SPAST: variants seen among roughly 807,000 people sequenced by gnomAD.
SPAST encodes the protein spastin, also known as spastic paraplegia 4 (autosomal dominant; spastin).
Under a neutral mutation model 76.6 loss-of-function variants are expected in SPAST, and 30 were observed. That is an observed-to-expected ratio of 0.39 (90% CI 0.29 to 0.53). The LOEUF is 0.53. Ranked by LOEUF, SPAST falls within the 20% of genes least tolerant of loss-of-function variation. The pLI is 0.68. For missense variants in SPAST, 717 were observed against 770.5 expected (o/e 0.93, Z 0.82); for synonymous variants, 305 against 281.0 (o/e 1.09, Z -0.86).
intron 7 of SPAST, among the ~76,000 whole-genome samples, chr2:32,119,264 G>T (rs970926193): frequency 1.3e-5 from 2 of 152,242 alleles, no homozygotes; most frequent in South Asian, 2.1e-4. Flanking sequence ...AATGAATCTT[G>T]TTAAGCCTAT....
At chr2:32,122,014 C>T (rs1389004859) in intron 7 of SPAST, among the ~76,000 whole-genome samples, 1 of 152,120 alleles carries the variant, frequency 6.6e-6, no homozygotes, top group Non-Finnish European at 1.5e-5. Flanking sequence ...TGGTTGTCCA[C>T]TTATATTACG....
At position 32,148,728 on chromosome 2, in the gene SPAST, G is replaced by A. The variant is rs1262981079; in HGVS notation, c.1728+1470G>A. On this transcript the variant is annotated intron_variant, in intron 16 of 16. Transcript: ENST00000315285. ...TGGGAGGCTGAGGCAGGAGAATGGCGTGAACCTGGGAAGTGGAGCTTGCAG... is the reference window on the plus strand; with the variant it reads ...TGGGAGGCTGAGGCAGGAGAATGGCATGAACCTGGGAAGTGGAGCTTGCAG... Among the ~76,000 whole-genome samples the A allele has an allele frequency of 4.6e-5, 7 of 151,684 alleles. No individual in the cohort carries two copies. In the South Asian group the frequency reaches 6.3e-4, roughly 14 times the overall value.
intron 4 of SPAST, among the ~76,000 whole-genome samples, chr2:32,104,795 T>G (rs1012481191): frequency 5.3e-5 from 8 of 152,178 alleles, no homozygotes; most frequent in African/African-American, 1.9e-4. Flanking sequence ...TCTCTTCTGG[T>G]TTTTAGAGTT....
At chr2:32,079,394 C>T (rs1344329516) in intron 1 of SPAST, among the ~76,000 whole-genome samples, 1 of 151,404 alleles carries the variant, frequency 6.6e-6, no homozygotes, top group Non-Finnish European at 1.5e-5. Flanking sequence ...ACCTGTGGTC[C>T]CAGCTATTCA....
chr2:32,136,810 A>G, intron 10 of SPAST, 67 bp from the exon 11 acceptor site: 12 of 1,312,264 alleles, frequency 9.1e-6, no homozygotes, highest in Admixed American at 1.7e-5. Flanking sequence ...GTAGTAAACT[A>G]GATTAATCTC....
chr2:32,081,780 T>TAAAAAAAAAAA (rs1677232552), intron 1 of SPAST, among the ~76,000 whole-genome samples: 1 of 24,940 alleles, frequency 4.0e-5, no homozygotes, highest in Non-Finnish European at 6.9e-5. Context: ...TGAGACACTG[T>TAAAAAAAAAAA]CAAAAAAAAA....
intron 1 of SPAST, among the ~76,000 whole-genome samples, chr2:32,077,169 C>T (rs567533390): frequency 2.8e-4 from 42 of 152,214 alleles, no homozygotes; most frequent in African/African-American, 7.0e-4. Context: ...CCACCGCGCC[C>T]GGCTTTAATT....
intron 3 of SPAST, among the ~76,000 whole-genome samples, chr2:32,097,403 A>G (rs1010220046): frequency 2.0e-5 from 3 of 152,126 alleles, no homozygotes; most frequent in African/African-American, 7.2e-5. Context: ...TGCCCTGGCT[A>G]CCCATTTCCC....
chr2:32,094,545 A>G (rs1438891411), intron 3 of SPAST, among the ~76,000 whole-genome samples: 2 of 152,220 alleles, frequency 1.3e-5, no homozygotes. Context: ...GTGTTCCAGC[A>G]AGGAGATTAT....
At chr2:32,097,808 C>T (rs983637333) in intron 3 of SPAST, among the ~76,000 whole-genome samples, 1 of 151,976 alleles carries the variant, frequency 6.6e-6, no homozygotes. Context: ...ATTCCCCTGC[C>T]TCAGCTTCCC....
intron 7 of SPAST, among the ~76,000 whole-genome samples, chr2:32,117,738 G>A (rs1678889405): frequency 6.6e-6 from 1 of 151,866 alleles, no homozygotes. Context: ...TACCATTTTG[G>A]CCAGGCTGGT....
chr2:32,064,269 GGGC>G, intron 1 of SPAST, 23 bp downstream of exon 1: 9 of 1,513,740 alleles, frequency 5.9e-6, no homozygotes, highest in East Asian at 2.5e-5. Flanking sequence ...CTGGGGGAGG[GGGC>G]GGCGGCGCCG....
At chr2:32,126,390 A>G (rs1053082471) in intron 7 of SPAST, 2 of 150,502 alleles carry the variant, frequency 1.3e-5, no homozygotes, top group Non-Finnish European at 3.0e-5. Flanking sequence ...ATTTCTAAGT[A>G]GAGAAACATG....
At chr2:32,151,769 G>A (rs1282925150) in intron 16 of SPAST, among the ~76,000 whole-genome samples, 2 of 152,120 alleles carry the variant, frequency 1.3e-5, no homozygotes, top group South Asian at 2.1e-4. Context: ...AATTAGCCGG[G>A]CGTGGTGGCA....
chr2:32,144,891 A>G (rs776687700), intron 14 of SPAST, 46 bp from the exon 15 acceptor site: 34 of 1,393,476 alleles, frequency 2.4e-5, no homozygotes, highest in Non-Finnish European at 3.2e-5. Flanking sequence ...TCTCAAAAAA[A>G]AGCGGGAGGG....
At chr2:32,065,098 C>T (rs960951616) in intron 1 of SPAST, among the ~76,000 whole-genome samples, 1 of 151,902 alleles carries the variant, frequency 6.6e-6, no homozygotes, top group African/African-American at 2.4e-5. Context: ...CGGCTCACTG[C>T]AACCTCCGAC....
chr2:32,103,154 G>C (rs1264730528), intron 4 of SPAST, among the ~76,000 whole-genome samples: 2 of 152,250 alleles, frequency 1.3e-5, no homozygotes, highest in East Asian at 3.9e-4. Context: ...GCCTGTTATT[G>C]GTCTATTCAG....
Position 32,080,868 on chromosome 2 carries a change from C to T in SPAST, c.416-6624C>T, listed in dbSNP as rs762769005. ...GCAGTGCCATGGCACGATCTCAGCT[C>T]GCTGCAACCTCCGCCTCCTGGCTTC... On this transcript the variant is annotated intron_variant, in intron 1 of 16. Coordinates refer to ENST00000315285, the MANE Select transcript of SPAST (RefSeq NM_014946.4). Among the ~76,000 whole-genome samples, 69 of 139,086 alleles carry T rather than the reference C, an allele frequency of 5.0e-4. 1 individual carries two copies. Among genetic ancestry groups the T allele is most frequent in the Admixed American group, 3.2e-4 (4 of 12,636 alleles). 91.2% of individuals were successfully genotyped at this position (139,086 alleles called of 152,430 possible). A position where few individuals can be genotyped will look rare whatever the true frequency, so the allele number is the denominator to read the frequency against.
chr2:32,094,964 G>A lies in SPAST; in HGVS notation c.587-3832G>A, dbSNP rs140227815. Reference sequence around the variant, plus strand: ...AGCCTGGGCAACAAAGCGAGACTCCGTCTCAAAGCCAGAAAAAAAGATTTT... The same window carrying A: ...AGCCTGGGCAACAAAGCGAGACTCCATCTCAAAGCCAGAAAAAAAGATTTT... On this transcript the variant is annotated intron_variant, in intron 3 of 16. Transcript: ENST00000315285. 6.6e-3 allele frequency among the ~76,000 whole-genome samples: 999 copies of A among 152,302 alleles called. 15 individuals are homozygous for A. Among genetic ancestry groups the A allele is most frequent in the African/African-American group, 0.023 (962 of 41,564 alleles).
Sources: gnomAD v4.1 joint callset for allele counts (sites outside exome capture counted in the v4.1 genomes callset) on GRCh38, gnomAD v4.1.1 for gene constraint, MANE v1.5 for transcripts, NCBI Gene and HGNC (gene_info 2026-07-23, HGNC 2026-07-21) for gene names.